Variants in HUNK observed in about 807,000 individuals in gnomAD.
HUNK encodes the protein hormonally up-regulated neu tumor-associated kinase.
HUNK carries 21 observed loss-of-function variants against 61.0 expected under a neutral mutation model. That is an observed-to-expected ratio of 0.34 (90% CI 0.24 to 0.50). The LOEUF (loss-of-function observed/expected upper bound fraction) is 0.50. HUNK is among the 20% of genes least tolerant of loss of function. The pLI is 0.98. For synonymous variants in HUNK, 371 were observed against 386.1 expected (o/e 0.96, Z 0.46); for missense variants, 772 against 945.7 (o/e 0.82, Z 2.41).
chr21:31,920,902 C>T (rs3787693), intron 1 of HUNK, among the ~76,000 whole-genome samples: 11,321 of 152,038 alleles, frequency 0.074, 525 homozygotes, highest in African/African-American at 0.11. Flanking sequence ...CTATAATCCC[C>T]GCACTTGGGG....
intron 7 of HUNK, among the ~76,000 whole-genome samples, chr21:31,979,794 C>G (rs185975461): frequency 2.0e-5 from 3 of 151,934 alleles, no homozygotes; most frequent in Non-Finnish European, 2.9e-5. Context: ...GGATTACAGG[C>G]ATAAGCCACC....
chr21:31,998,925 G>A lies in HUNK; in HGVS notation c.1886G>A (p.Ser629Asn), dbSNP rs1297197489. The change falls in exon 11 of 11, where the codon AGC (serine) becomes AAC (asparagine). Residue 629 changes from serine (S) to asparagine (N), a missense_variant. Around this residue, in one of 2 missense-constraint regions of HUNK, gnomAD observed 413 missense variants for 444.4 expected, o/e 0.93. Coordinates refer to ENST00000270112, the MANE Select transcript of HUNK (RefSeq NM_014586.2). ...TCTTTTGCTCACGAAGATAAGAACA[G>A]CCCCCCAAAAGAGGAGGGCCTGTGT... ...LVSFAHEDKN[S>N]PPKEEGLCCP... The A allele has an allele frequency of 1.2e-6, 2 of 1,614,034 alleles. No individual in the cohort carries two copies. The highest frequency in any genetic ancestry group is 1.7e-6 in the Non-Finnish European group (2 of 1,180,056).
At chr21:31,898,496 G>A (rs1325477056) in intron 1 of HUNK, among the ~76,000 whole-genome samples, 1 of 152,074 alleles carries the variant, frequency 6.6e-6, no homozygotes, top group Admixed American at 6.6e-5. Context: ...CAAACTCCTG[G>A]CGTCAAGTGA....
chr21:31,993,128 TAGC>T (rs2053182155), intron 9 of HUNK, among the ~76,000 whole-genome samples: 1 of 152,152 alleles, frequency 6.6e-6, no homozygotes, highest in African/African-American at 2.4e-5. Flanking sequence ...TCTGCCCCCA[TAGC>T]AGCTTTCTGC....
intron 1 of HUNK, among the ~76,000 whole-genome samples, chr21:31,884,584 C>G (rs988526282): frequency 7.3e-6 from 1 of 137,282 alleles, no homozygotes; most frequent in African/African-American, 2.7e-5. Flanking sequence ...AAGAGCAAAA[C>G]TCTGTCTCAA....
chr21:31,933,621 C>G (rs2052713080), intron 2 of HUNK, among the ~76,000 whole-genome samples: 1 of 152,034 alleles, frequency 6.6e-6, no homozygotes, highest in Admixed American at 6.5e-5. Flanking sequence ...CCCGTCTCTA[C>G]TAAAAACACA....
rs2053241302 is a variant in HUNK, at chr21:32,000,906, G to A, written c.*1722G>A. 2.5e-6 allele frequency: 1 copy of A among 397,228 alleles called. No homozygotes were observed. Among genetic ancestry groups the A allele is most frequent in the Non-Finnish European group, 4.4e-6 (1 of 225,800 alleles). 24.6% of individuals were successfully genotyped at this position (397,228 alleles called of 1,614,324 possible). ...ACGGCTCTAGGGCATTCTAGGATGA[G>A]GTCAGACCCCTTGGCCATTGGTGTT... On this transcript the variant is annotated 3_prime_UTR_variant, in exon 11 of 11. Coordinates refer to ENST00000270112, the MANE Select transcript of HUNK (RefSeq NM_014586.2).
At chr21:31,878,804 C>A (rs181671516) in intron 1 of HUNK, among the ~76,000 whole-genome samples, 142 of 152,272 alleles carry the variant, frequency 9.3e-4, no homozygotes, top group African/African-American at 3.3e-3. Context: ...AGGTATTGAG[C>A]CAGTGTTGTA....
chr21:31,986,858 T>C (rs1302360386), intron 8 of HUNK, among the ~76,000 whole-genome samples: 1 of 152,150 alleles, frequency 6.6e-6, no homozygotes, highest in Non-Finnish European at 1.5e-5. Flanking sequence ...TCCAGTCTTA[T>C]CCTATCGATC....
intron 3 of HUNK, among the ~76,000 whole-genome samples, chr21:31,941,901 G>A (rs1380732818): frequency 6.6e-6 from 1 of 152,162 alleles, no homozygotes; most frequent in Non-Finnish European, 1.5e-5. Context: ...CTTTGTAACA[G>A]CAGTATTTAT....
intron 7 of HUNK, among the ~76,000 whole-genome samples, chr21:31,980,083 A>AT (rs35287269): frequency 0.23 from 35,176 of 151,550 alleles, 4,342 homozygotes; most frequent in Non-Finnish European, 0.28. Context: ...TTATTTATTT[A>AT]TTTTTTGAGA....
chr21:31,952,874 C>A (rs561457242), intron 4 of HUNK, among the ~76,000 whole-genome samples: 10 of 152,164 alleles, frequency 6.6e-5, no homozygotes, highest in Admixed American at 2.6e-4. Flanking sequence ...GATTGTTGCC[C>A]TCTCTTGTCC....
intron 1 of HUNK, among the ~76,000 whole-genome samples, chr21:31,892,215 T>A (rs1428942432): frequency 4.7e-5 from 7 of 148,040 alleles, no homozygotes; most frequent in Admixed American, 6.8e-5. Flanking sequence ...AGAGAGTGTG[T>A]GTGTGTGTGT....
intron 6 of HUNK, among the ~76,000 whole-genome samples, chr21:31,972,915 C>T (rs887167006): frequency 2.6e-5 from 4 of 152,056 alleles, no homozygotes; most frequent in Non-Finnish European, 4.4e-5. Flanking sequence ...GTTCTGCTCT[C>T]GGTGCCCCTG....
intron 9 of HUNK, among the ~76,000 whole-genome samples, chr21:31,994,889 C>T (rs374625445): frequency 1.1e-4 from 16 of 152,222 alleles, no homozygotes; most frequent in African/African-American, 2.9e-4. Flanking sequence ...CGTTTTGGCT[C>T]ACATCTATAG....
chr21:31,946,862 G>A (rs1326428888), intron 4 of HUNK, among the ~76,000 whole-genome samples: 2 of 152,200 alleles, frequency 1.3e-5, no homozygotes, highest in African/African-American at 4.8e-5. Flanking sequence ...TGAACCACCC[G>A]CCTCGGCCTC....
rs2052980349 is a variant in HUNK at position 31,968,112 on chromosome 21, A to G, written c.875-138A>G. The G allele has an allele frequency of 3.0e-6, 3 of 1,002,604 alleles. No homozygotes were observed. In the East Asian group the frequency reaches 7.3e-5, roughly 25 times the overall value. 62.1% of individuals were successfully genotyped at this position (1,002,604 alleles called of 1,614,324 possible). On this transcript the variant is annotated intron_variant, in intron 5 of 10. Transcript: ENST00000270112. ...GATTCATTGAATCGGAACCCTGCCC[A>G]GAGACCTAGAGAAGAGATCACCCCA...
chr21:31,916,877 A>G (rs2052586549), intron 1 of HUNK, among the ~76,000 whole-genome samples: 1 of 151,800 alleles, frequency 6.6e-6, no homozygotes, highest in South Asian at 2.1e-4. Flanking sequence ...GGGTTTCACC[A>G]TGTTGCCCAG....
intron 1 of HUNK, among the ~76,000 whole-genome samples, chr21:31,909,174 A>G (rs1339942683): frequency 6.6e-6 from 1 of 152,234 alleles, no homozygotes; most frequent in Non-Finnish European, 1.5e-5. Context: ...ACTAAGTAGC[A>G]GCCTTCTGAT....
Sources: allele counts gnomAD v4.1 joint callset (sites outside exome capture counted in the v4.1 genomes callset), GRCh38; gene constraint gnomAD v4.1.1; regional missense constraint gnomAD v4.1.1; transcripts MANE v1.5; gene names NCBI Gene and HGNC (gene_info 2026-07-23, HGNC 2026-07-21).